Variants in CYGB observed in about 807,000 individuals in gnomAD.
CYGB encodes histoglobin.
Under a neutral mutation model 20.7 loss-of-function variants are expected in CYGB, and 13 were observed. That is an observed-to-expected ratio of 0.63 (90% CI 0.41 to 1.00). The LOEUF is 1.00. CYGB is among the 50% of genes least tolerant of loss of function. The pLI, the probability that CYGB is intolerant of heterozygous loss-of-function variation, is 0.00. For synonymous variants in CYGB, 93 were observed against 107.4 expected (o/e 0.87, Z 0.83); for missense variants, 218 against 257.2 (o/e 0.85, Z 1.04).
intron 3 of CYGB, chr17:76,529,850 T>C: frequency 1.0e-6 from 1 of 985,248 alleles, no homozygotes; most frequent in Non-Finnish European, 1.2e-6. Context: ...CATCTGGAGT[T>C]GGCTTGGCTC....
intron 1 of CYGB, among the ~76,000 whole-genome samples, chr17:76,536,271 C>G (rs1186741130): frequency 6.6e-6 from 1 of 152,162 alleles, no homozygotes; most frequent in Non-Finnish European, 1.5e-5. Flanking sequence ...CATGGTGGAG[C>G]TGGGTCGGTC....
At chr17:76,535,614 T>G (rs2074905322) in intron 1 of CYGB, among the ~76,000 whole-genome samples, 1 of 152,080 alleles carries the variant, frequency 6.6e-6, no homozygotes. Context: ...CTGAGTGCAT[T>G]GGTAATGACC....
chr17:76,547,910 ATT>A (rs2075070239), intron 1 of CYGB, among the ~76,000 whole-genome samples: 1 of 127,860 alleles, frequency 7.8e-6, no homozygotes, highest in Non-Finnish European at 1.6e-5. Context: ...CACATAACAC[ATT>A]CACACACACA....
chr17:76,532,118 G>GTCA, intron 1 of CYGB: 1 of 166,354 alleles, frequency 6.0e-6, no homozygotes, highest in Admixed American at 5.5e-5. Flanking sequence ...CTTTCATGAA[G>GTCA]TCATGCTTAT....
In CYGB at chr17:76,537,551, C is replaced by CCAAGCCCA. The variant is rs1348934561; in HGVS notation, c.-17_-10dup. On this transcript the variant is annotated 5_prime_UTR_variant, in exon 1 of 4. Transcript: ENST00000293230. Reference sequence around the variant, plus strand: ...CCTGGCACTTTCTCCATGAGCAGCTCCAAGCCCAGCCCGGCTTTGCTCGGC... The same window carrying CCAAGCCCA: ...CCTGGCACTTTCTCCATGAGCAGCTCCAAGCCCACAAGCCCAGCCCGGCTTTGCTCGGC... The CCAAGCCCA allele has an allele frequency of 1.4e-6, 2 of 1,439,768 alleles. No individual in the cohort carries two copies. Among genetic ancestry groups the CCAAGCCCA allele is most frequent in the Non-Finnish European group, 1.8e-6 (2 of 1,085,628 alleles). 89.2% of individuals were successfully genotyped at this position (1,439,768 alleles called of 1,614,324 possible). A position where few individuals can be genotyped will look rare whatever the true frequency, so the allele number is the denominator to read the frequency against.
chr17:76,546,565 G>C lies in CYGB; in HGVS notation c.-53+4297C>G, dbSNP rs529407832. The C allele has an allele frequency of 1.3e-5, 2 of 152,108 alleles. No homozygotes were observed. The highest frequency in any genetic ancestry group is 4.8e-5 in the African/African-American group (2 of 41,374). 9.4% of individuals were successfully genotyped at this position (152,108 alleles called of 1,614,324 possible). On this transcript the variant is annotated intron_variant, in intron 1 of 3. Coordinates refer to the CYGB transcript ENST00000589145. This position sits in a 1 kb window ranked among gnomAD's most constrained non-coding sequence, Gnocchi z 4.5. ...CCCACTATGAGACAGGCACAATGGC[G>C]AGAGAGCAAACCCTGCTGGTTCCTC...
intron 1 of CYGB, among the ~76,000 whole-genome samples, chr17:76,547,696 CACAG>C (rs1211763894): frequency 5.9e-5 from 9 of 151,388 alleles, no homozygotes; most frequent in East Asian, 1.9e-4. Flanking sequence ...CATTCACACA[CACAG>C]ACACACACAC....
upstream of CYGB, chr17:76,542,419 A>T: frequency 5.8e-6 from 6 of 1,026,506 alleles, no homozygotes; most frequent in Non-Finnish European, 9.3e-6. Context: ...CTAAATGCCA[A>T]CTGATTCCTT....
At chr17:76,544,929 G>A (rs1420112626) in intron 1 of CYGB, 1 of 456,770 alleles carries the variant, frequency 2.2e-6, no homozygotes, top group South Asian at 1.5e-5. Flanking sequence ...GCAGGAGGTG[G>A]TGGCTGCTCC....
upstream of CYGB, chr17:76,540,368 G>A (rs2074976194): frequency 7.8e-7 from 1 of 1,284,846 alleles, no homozygotes; most frequent in Admixed American, 1.8e-5. This position sits in a 1 kb window ranked among gnomAD's most constrained non-coding sequence, Gnocchi z 5.0. Context: ...CACAGTCTCA[G>A]AGCAGGGGGA....
chr17:76,548,087 TAAAAC>T (rs1231201029), intron 1 of CYGB, among the ~76,000 whole-genome samples: 5 of 148,964 alleles, frequency 3.4e-5, no homozygotes, highest in Admixed American at 2.7e-4. Context: ...CACACACAAA[TAAAAC>T]AGACACACAG....
rs908824135 is a variant in CYGB at position 76,529,515 on chromosome 17, C to T, written c.540-904G>A. The T allele has an allele frequency of 6.1e-6, 6 of 985,312 alleles. No individual in the cohort carries two copies. In the African/African-American group the frequency reaches 8.7e-5, roughly 14 times the overall value. 61.0% of individuals were successfully genotyped at this position (985,312 alleles called of 1,614,324 possible). A position where few individuals can be genotyped will look rare whatever the true frequency, so the allele number is the denominator to read the frequency against. On this transcript the variant is annotated intron_variant, in intron 3 of 3. Coordinates refer to ENST00000293230, the MANE Select transcript of CYGB (RefSeq NM_134268.5). ...CATGTGTTTCTGATTCACTGGGGCT[C>T]GCGCCCAGCCAGCTCTCTTTCCAGT...
intron 1 of CYGB, among the ~76,000 whole-genome samples, chr17:76,548,172 T>C (rs972914969): frequency 2.0e-5 from 3 of 151,276 alleles, no homozygotes; most frequent in Admixed American, 6.6e-5. Flanking sequence ...CACACACACA[T>C]ATACACCGAC....
At chr17:76,540,777 G>A (rs931637342), upstream of CYGB, among the ~76,000 whole-genome samples, 1 of 152,196 alleles carries the variant, frequency 6.6e-6, no homozygotes, top group Non-Finnish European at 1.5e-5. The surrounding 1 kb of genome is among the most constrained non-coding windows in gnomAD (Gnocchi z 5.0). Context: ...CCCTCAGCTC[G>A]CTCCTCTGGA....
chr17:76,529,178 G>T (rs992008899), intron 3 of CYGB: 1 of 984,914 alleles, frequency 1.0e-6, no homozygotes, highest in Non-Finnish European at 1.2e-6. Context: ...ACTCTACTCT[G>T]TAACTCCATC....
chr17:76,542,623 G>C, upstream of CYGB: 1 of 1,610,710 alleles, frequency 6.2e-7, no homozygotes, highest in Non-Finnish European at 8.5e-7. Context: ...GGGATCAGCT[G>C]GCTCAGGCAG....
rs113288887 is a variant in CYGB at position 76,527,958 on chromosome 17, C to T, written c.*620G>A. 7.9e-6 allele frequency: 3 copies of T among 378,196 alleles called. No homozygotes were observed. Among genetic ancestry groups the T allele is most frequent in the African/African-American group, 6.3e-5 (3 of 47,856 alleles). 23.4% of individuals were successfully genotyped at this position (378,196 alleles called of 1,614,324 possible). A position where few individuals can be genotyped will look rare whatever the true frequency, so the allele number is the denominator to read the frequency against. ...TTGCCGCCAAGCCGGGTTGCCCCAG[C>T]CCTGCCCCTCCAGGCCCAGGTCCTC... is the stretch of plus-strand genomic sequence containing the variant. On this transcript the variant is annotated 3_prime_UTR_variant, in exon 4 of 4. Coordinates refer to ENST00000293230, the MANE Select transcript of CYGB (RefSeq NM_134268.5).
Position 76,530,966 on chromosome 17 carries a change from C to A in CYGB, c.539+13G>T. 1 of 1,571,038 alleles carries A rather than the reference C, an allele frequency of 6.4e-7. No homozygotes were observed. The highest frequency in any genetic ancestry group is 8.6e-7 in the Non-Finnish European group (1 of 1,156,660). ...GGGGAGGCTGCCCAGCCCACCCTCGCCCGCCTCCTCACGTGGTGGCGTTGG... is the reference window on the plus strand; with the variant it reads ...GGGGAGGCTGCCCAGCCCACCCTCGACCGCCTCCTCACGTGGTGGCGTTGG... On this transcript the variant is annotated intron_variant, in intron 3 of 3. Coordinates refer to ENST00000293230, the MANE Select transcript of CYGB (RefSeq NM_134268.5). The surrounding 1 kb of genome is among the most constrained non-coding windows in gnomAD (Gnocchi z 6.1).
Position 76,531,269 on chromosome 17 carries a change from A to G in CYGB, c.376-127T>C. 8.1e-7 allele frequency: 1 copy of G among 1,241,958 alleles called. No individual in the cohort carries two copies. Among genetic ancestry groups the G allele is most frequent in the Non-Finnish European group, 1.1e-6 (1 of 895,306 alleles). 76.9% of individuals were successfully genotyped at this position (1,241,958 alleles called of 1,614,324 possible). On this transcript the variant is annotated intron_variant, in intron 2 of 3. Coordinates refer to ENST00000293230, the MANE Select transcript of CYGB (RefSeq NM_134268.5). This position sits in a 1 kb window ranked among gnomAD's most constrained non-coding sequence, Gnocchi z 7.4. The stretch of plus-strand genomic sequence containing the variant: ...ACGCAACAGTCTGGCAGCTTTGGGA[A>G]CCCCGTGCTCTCAGGACAAGGGTTG...
Sources: gnomAD v4.1 joint callset for allele counts (sites outside exome capture counted in the v4.1 genomes callset) on GRCh38, gnomAD v4.1.1 for gene constraint, Gnocchi (gnomAD v3.1) non-coding constraint, MANE v1.5 for transcripts, NCBI Gene and HGNC (gene_info 2026-07-23, HGNC 2026-07-21) for gene names.